Variants in FOXP1 observed in about 807,000 individuals in gnomAD.
The protein encoded by FOXP1 is forkhead box P1.
Under a neutral mutation model 98.2 loss-of-function variants are expected in FOXP1, and 15 were observed. That is an observed-to-expected ratio of 0.15 (90% CI 0.10 to 0.24). The LOEUF (loss-of-function observed/expected upper bound fraction) is 0.24. Ranked by LOEUF, FOXP1 falls within the 10% of genes least tolerant of loss-of-function variation. FOXP1 has a pLI of 1.00. For synonymous variants in FOXP1, 371 were observed against 314.5 expected (o/e 1.18, Z -1.90); for missense variants, 633 against 848.5 (o/e 0.75, Z 3.15).
chr3:71,126,776 A>G (rs1296848892), intron 6 of FOXP1, among the ~76,000 whole-genome samples: 1 of 151,486 alleles, frequency 6.6e-6, no homozygotes, highest in Non-Finnish European at 1.5e-5. Flanking sequence ...GTCGGCTGAG[A>G]TAGCACCACT....
chr3:71,459,666 A>G (rs141653083), intron 3 of FOXP1, among the ~76,000 whole-genome samples: 168 of 152,334 alleles, frequency 1.1e-3, no homozygotes, highest in African/African-American at 3.8e-3. Context: ...TCAAAATCAT[A>G]TTATTTTAGC....
chr3:71,146,429 T>C (rs2060308881), intron 6 of FOXP1, among the ~76,000 whole-genome samples: 1 of 152,102 alleles, frequency 6.6e-6, no homozygotes, highest in South Asian at 2.1e-4. Context: ...ACCCTCTGTA[T>C]TTTCAAGGGA....
intron 6 of FOXP1, among the ~76,000 whole-genome samples, chr3:71,139,937 T>C (rs748298716): frequency 1.3e-5 from 2 of 152,150 alleles, no homozygotes; most frequent in Non-Finnish European, 2.9e-5. Context: ...GGTTCCTAAG[T>C]GCCTCTGAAT....
intron 3 of FOXP1, among the ~76,000 whole-genome samples, chr3:71,485,211 A>G (rs887717097): frequency 7.2e-5 from 11 of 152,172 alleles, no homozygotes; most frequent in Non-Finnish European, 1.5e-4. Flanking sequence ...TTTATCAACG[A>G]CTAGATTAGA....
chr3:71,269,748 T>C lies in FOXP1; in HGVS notation c.-12+30072A>G, dbSNP rs181046798. 8.3e-4 allele frequency among the ~76,000 whole-genome samples: 126 copies of C among 152,348 alleles called. 1 individual carries two copies. In the Middle Eastern group the frequency reaches 0.01, roughly 12 times the overall value. ...TGCTTTAAAGCACTTGATAATTTGA[T>C]ATTTTGCTATTAGGGCCTTCATGTG... On this transcript the variant is annotated intron_variant, in intron 5 of 20. Coordinates refer to ENST00000649528, the MANE Select transcript of FOXP1 (RefSeq NM_001349338.3).
chr3:71,477,237 T>A (rs2089926782), intron 3 of FOXP1, among the ~76,000 whole-genome samples: 1 of 152,164 alleles, frequency 6.6e-6, no homozygotes, highest in Non-Finnish European at 1.5e-5. Context: ...GTAGAAAAGT[T>A]CAAGGTGCTG....
At chr3:71,403,319 C>A (rs13071734) in intron 3 of FOXP1, among the ~76,000 whole-genome samples, 2,318 of 152,294 alleles carry the variant, frequency 0.015, 21 homozygotes, top group Non-Finnish European at 0.027. Context: ...TCGCCTGGAT[C>A]TCTGAGCTGG....
rs756846802 is a variant in FOXP1 at position 71,297,489 on chromosome 3, C to CA, written c.-12+2330dup. ...AATAATTCATGCTTACAGGTGATTA[C>CA]AAAAAAAAAAAAAAACAAAACAACA... On this transcript the variant is annotated intron_variant, in intron 5 of 20. Coordinates refer to ENST00000649528, the MANE Select transcript of FOXP1 (RefSeq NM_001349338.3). 0.013 allele frequency among the ~76,000 whole-genome samples: 1,244 copies of CA among 92,970 alleles called. 43 individuals are homozygous for CA. The East Asian group carries it at 0.17, about 13-fold the overall frequency. The allele number at this position is 92,970 out of a possible 152,430, so 61.0% of individuals were successfully genotyped here.
chr3:71,539,664 T>C (rs1045284919), intron 2 of FOXP1, among the ~76,000 whole-genome samples: 3 of 152,210 alleles, frequency 2.0e-5, no homozygotes, highest in African/African-American at 4.8e-5. Flanking sequence ...GAATATTTTG[T>C]AGTTTTCAGT....
intron 6 of FOXP1, among the ~76,000 whole-genome samples, chr3:71,137,372 C>T (rs1575963808): frequency 6.6e-6 from 1 of 152,334 alleles, no homozygotes; most frequent in East Asian, 1.9e-4. Flanking sequence ...CACAGCAAAA[C>T]ATCCTCCATA....
intron 4 of FOXP1, among the ~76,000 whole-genome samples, chr3:71,308,316 G>A (rs150045393): frequency 9.4e-4 from 143 of 152,180 alleles, no homozygotes; most frequent in Non-Finnish European, 1.7e-3. Flanking sequence ...ACTTCATCTC[G>A]GCGGAACAGA....
chr3:71,343,748 C>T (rs982733481), intron 4 of FOXP1, among the ~76,000 whole-genome samples: 4 of 151,928 alleles, frequency 2.6e-5, no homozygotes, highest in Admixed American at 6.6e-5. Context: ...AGACTGCTCT[C>T]GAACTCCTGA....
intron 7 of FOXP1, among the ~76,000 whole-genome samples, chr3:71,092,314 T>C (rs1575635156): frequency 2.0e-5 from 3 of 151,360 alleles, no homozygotes; most frequent in Non-Finnish European, 2.9e-5. Context: ...AGGGAGGAGG[T>C]TGCAGTGAGC....
At chr3:71,241,263 A>G (rs66905781) in intron 5 of FOXP1, among the ~76,000 whole-genome samples, 7,982 of 152,194 alleles carry the variant, frequency 0.052, 318 homozygotes, top group East Asian at 0.18. Flanking sequence ...TTTACCTCCA[A>G]TTACCATAAG....
intron 3 of FOXP1, among the ~76,000 whole-genome samples, chr3:71,428,162 T>C (rs185925550): frequency 6.6e-6 from 1 of 152,308 alleles, no homozygotes; most frequent in Admixed American, 6.5e-5. Context: ...CTGTCCCATC[T>C]ACATTCAAAG....
chr3:71,409,971 C>T lies in FOXP1; in HGVS notation c.-167-50727G>A, dbSNP rs146954178. Among the ~76,000 whole-genome samples, 708 of 152,262 alleles carry T rather than the reference C, an allele frequency of 4.6e-3. 2 individuals carry two copies. Among genetic ancestry groups the T allele is most frequent in the Middle Eastern group, 0.01 (3 of 294 alleles). On this transcript the variant is annotated intron_variant, in intron 3 of 20. Coordinates refer to ENST00000649528, the MANE Select transcript of FOXP1 (RefSeq NM_001349338.3). Reference sequence around the variant, plus strand: ...TCAAGGGTGCGGTGAGCTGTGATCACACCACTGCACTCCAGCCTGAACAAC... The same window carrying T: ...TCAAGGGTGCGGTGAGCTGTGATCATACCACTGCACTCCAGCCTGAACAAC...
intron 13 of FOXP1, among the ~76,000 whole-genome samples, chr3:70,998,380 C>T (rs1362567731): frequency 2.0e-5 from 3 of 152,258 alleles, no homozygotes; most frequent in South Asian, 4.1e-4. Context: ...TCAGATTTTT[C>T]CCTCAACCAT....
chr3:71,518,098 A>C (rs1181040887), intron 2 of FOXP1, among the ~76,000 whole-genome samples: 1 of 152,190 alleles, frequency 6.6e-6, no homozygotes, highest in Admixed American at 6.5e-5. Context: ...AAACCATAGA[A>C]AATCTTGCTG....
intron 7 of FOXP1, among the ~76,000 whole-genome samples, chr3:71,071,086 A>C (rs1224042974): frequency 6.6e-6 from 1 of 152,156 alleles, no homozygotes; most frequent in East Asian, 1.9e-4. Context: ...TTTCCCTAAT[A>C]GTCACCAATT....
Sources: allele counts gnomAD v4.1 joint callset (sites outside exome capture counted in the v4.1 genomes callset), GRCh38; gene constraint gnomAD v4.1.1; transcripts MANE v1.5; gene names NCBI Gene and HGNC (gene_info 2026-07-23, HGNC 2026-07-21).